CRHR1: variants seen among roughly 807,000 people sequenced by gnomAD.
CRHR1 encodes corticotropin-releasing hormone receptor 1.
In CRHR1, 28 loss-of-function variants were observed where a neutral mutation model predicts 56.0. The observed-to-expected ratio is 0.50, with a 90% confidence interval of 0.37 to 0.69. The LOEUF is 0.69. Among genes scored for constraint, CRHR1 ranks in the 30% least tolerant of loss-of-function variants. The pLI, the probability that CRHR1 is intolerant of heterozygous loss-of-function variation, is 0.00. For synonymous variants in CRHR1, 195 were observed against 216.5 expected (o/e 0.90, Z 0.87); for missense variants, 376 against 548.0 (o/e 0.69, Z 3.13).
At chr17:45,810,276 C>G (rs1568046923) in intron 2 of CRHR1, among the ~76,000 whole-genome samples, 1 of 152,068 alleles carries the variant, frequency 6.6e-6, no homozygotes, top group Non-Finnish European at 1.5e-5. Flanking sequence ...CAGAGCGAGA[C>G]TCTGTCTCAA....
intron 1 of CRHR1, among the ~76,000 whole-genome samples, chr17:45,791,295 A>G (rs2061421019): frequency 6.6e-6 from 1 of 152,088 alleles, no homozygotes; most frequent in African/African-American, 2.4e-5. Context: ...GGGCTTTAGG[A>G]GAGTCCAGGG....
rs184565108 is a variant in CRHR1, at chr17:45,804,692, T to C, written c.34-2318T>C. ...CCAGGGAAGAGAGGATGGACACCCC[T>C]GAAGGATATGGGGCAGGCAGGGAAG... On this transcript the variant is annotated intron_variant, in intron 1 of 12. Coordinates refer to ENST00000314537, the MANE Select transcript of CRHR1 (RefSeq NM_004382.5). Among the ~76,000 whole-genome samples the C allele has an allele frequency of 1.8e-3, 279 of 152,046 alleles. 1 individual carries two copies. The highest frequency in any genetic ancestry group is 6.4e-3 in the African/African-American group (267 of 41,466).
At chr17:45,825,419 GC>G (rs975324648) in intron 4 of CRHR1, 2 of 153,184 alleles carry the variant, frequency 1.3e-5, no homozygotes, top group African/African-American at 4.9e-5. Context: ...CCACCGTCCA[GC>G]CTTCCCCCAC....
At chr17:45,794,244 A>G (rs931281356) in intron 1 of CRHR1, among the ~76,000 whole-genome samples, 2 of 152,258 alleles carry the variant, frequency 1.3e-5, no homozygotes, top group Non-Finnish European at 2.9e-5. Context: ...TCTTGACTGC[A>G]TGCTCGGATG....
At chr17:45,800,019 T>C (rs12945673) in intron 1 of CRHR1, 24,225 of 153,380 alleles carry the variant, frequency 0.16, 2,955 homozygotes, top group African/African-American at 0.34. Context: ...GCTCACCTCC[T>C]CCAGGAAGCC....
At chr17:45,808,509 T>C (rs895817803) in intron 2 of CRHR1, among the ~76,000 whole-genome samples, 20 of 152,120 alleles carry the variant, frequency 1.3e-4, no homozygotes, top group African/African-American at 4.8e-4. Context: ...CTTGCCCAAG[T>C]GTAGAGGGAT....
chr17:45,816,623 G>C lies in CRHR1; in HGVS notation c.241+41G>C. Reference sequence around the variant, plus strand: ...AGGGTGGACCATCTGCTGGGAGGTGGGACAGGATGGGGAGAGCTTGGAGGT... The same window carrying C: ...AGGGTGGACCATCTGCTGGGAGGTGCGACAGGATGGGGAGAGCTTGGAGGT... On this transcript the variant is annotated intron_variant, in intron 3 of 12. Transcript: ENST00000314537. The C allele has an allele frequency of 2.5e-6, 4 of 1,612,904 alleles. No individual in the cohort carries two copies. The South Asian group carries it at 4.4e-5, about 18-fold the overall frequency.
chr17:45,792,680 C>T (rs1195031744), intron 1 of CRHR1, among the ~76,000 whole-genome samples: 2 of 152,228 alleles, frequency 1.3e-5, no homozygotes, highest in African/African-American at 4.8e-5. Flanking sequence ...CTGTCTCTCA[C>T]TGGTTGTTCC....
intron 4 of CRHR1, among the ~76,000 whole-genome samples, chr17:45,823,830 G>A (rs2062098940): frequency 1.3e-5 from 2 of 152,210 alleles, no homozygotes; most frequent in East Asian, 1.9e-4. Context: ...GTCTCCTTCC[G>A]GAAGCTGCAG....
At chr17:45,796,912 C>A (rs1471356860) in intron 1 of CRHR1, among the ~76,000 whole-genome samples, 1 of 152,174 alleles carries the variant, frequency 6.6e-6, no homozygotes, top group Non-Finnish European at 1.5e-5. Flanking sequence ...AAGAACATAT[C>A]CATGAGTCAA....
intron 1 of CRHR1, among the ~76,000 whole-genome samples, chr17:45,805,730 G>C (rs753772276): frequency 6.6e-6 from 1 of 152,160 alleles, no homozygotes; most frequent in Non-Finnish European, 1.5e-5. Flanking sequence ...CCCACAGCCA[G>C]AGGGGAGGAC....
chr17:45,828,603 C>A (rs1175975734), intron 4 of CRHR1, among the ~76,000 whole-genome samples: 1 of 152,216 alleles, frequency 6.6e-6, no homozygotes, highest in Non-Finnish European at 1.5e-5. Flanking sequence ...GCACAGATCC[C>A]CTTGGGCCAG....
At chr17:45,799,604 T>C (rs1031551159) in intron 1 of CRHR1, 1 of 152,186 alleles carries the variant, frequency 6.6e-6, no homozygotes, top group African/African-American at 2.4e-5. Flanking sequence ...GGCCAGCAGA[T>C]GGAAAGTGTG....
rs187436701 is a variant in CRHR1 at position 45,812,343 on chromosome 17, C to A, written c.122-4120C>A. ...AGGAGAGGCACTGTGGGACAGGGAGCTGTCAGGAGGCGTTGGCACCTAACA... is the reference window on the plus strand; with the variant it reads ...AGGAGAGGCACTGTGGGACAGGGAGATGTCAGGAGGCGTTGGCACCTAACA... On this transcript the variant is annotated intron_variant, in intron 2 of 12. Coordinates refer to ENST00000314537, the MANE Select transcript of CRHR1 (RefSeq NM_004382.5). Among the ~76,000 whole-genome samples the A allele has an allele frequency of 1.1e-4, 16 of 152,348 alleles. No individual in the cohort carries two copies. In the East Asian group the frequency reaches 1.5e-3, roughly 15 times the overall value.
intron 1 of CRHR1, among the ~76,000 whole-genome samples, chr17:45,801,486 C>T (rs536318849): frequency 2.1e-4 from 32 of 152,294 alleles, no homozygotes; most frequent in Non-Finnish European, 4.0e-4. Context: ...TTGAGCCGCA[C>T]GCACCCTTGG....
At chr17:45,819,145 G>A (rs532973200) in intron 3 of CRHR1, among the ~76,000 whole-genome samples, 2 of 152,230 alleles carry the variant, frequency 1.3e-5, no homozygotes, top group South Asian at 4.1e-4. Context: ...TGAGTCTCAC[G>A]TAAGGTTATA....
At chr17:45,792,719 T>G (rs567096955) in intron 1 of CRHR1, among the ~76,000 whole-genome samples, 2 of 152,308 alleles carry the variant, frequency 1.3e-5, no homozygotes, top group African/African-American at 4.8e-5. Context: ...CGTCCCCTGG[T>G]GTGAGCCTCT....
intron 3 of CRHR1, among the ~76,000 whole-genome samples, chr17:45,819,130 C>T (rs1024914179): frequency 2.6e-5 from 4 of 152,200 alleles, no homozygotes; most frequent in Non-Finnish European, 4.4e-5. Context: ...ACAAGGGACA[C>T]GCTCTGAGTC....
intron 1 of CRHR1, among the ~76,000 whole-genome samples, chr17:45,798,940 C>T (rs942452418): frequency 6.6e-6 from 1 of 152,232 alleles, no homozygotes; most frequent in Non-Finnish European, 1.5e-5. Context: ...TCTTTCAGTG[C>T]TCACCCACTT....
Sources: allele counts gnomAD v4.1 joint callset (sites outside exome capture counted in the v4.1 genomes callset), GRCh38; gene constraint gnomAD v4.1.1; transcripts MANE v1.5; gene names NCBI Gene and HGNC (gene_info 2026-07-23, HGNC 2026-07-21).